Variants in RFX7 observed in about 807,000 individuals in gnomAD.
RFX7 encodes regulatory factor X7.
RFX7 carries 26 observed loss-of-function variants against 111.8 expected under a neutral mutation model. That is an observed-to-expected ratio of 0.23 (90% CI 0.17 to 0.32). The LOEUF is 0.32. RFX7 is among the 10% of genes least tolerant of loss of function. RFX7 has a pLI of 1.00. For missense variants in RFX7, 1,573 were observed against 1,772.9 expected, an observed-to-expected ratio of 0.89 and a Z score of 2.02; for synonymous variants, 624 against 624.4, an observed-to-expected ratio of 1.00 and a Z score of 0.01.
chr15:56,110,076 G>A (rs1436480171), intron 5 of RFX7, among the ~76,000 whole-genome samples: 3 of 131,764 alleles, frequency 2.3e-5, no homozygotes, highest in Non-Finnish European at 3.3e-5. Flanking sequence ...CAGCCGCCCC[G>A]TCTGGGAGGG....
rs555440357 is a variant in RFX7 at position 56,120,774 on chromosome 15, AT to A, written c.402-17105del. ...CTGTGTATCTGTTGTATGTTTTTAG[AT>A]TTGAGGTTACCATGAGGCTTGCAGA... is the stretch of plus-strand genomic sequence containing the variant. On this transcript the variant is annotated intron_variant, in intron 5 of 9. Coordinates refer to ENST00000559447, the MANE Select transcript of RFX7 (RefSeq NM_022841.7). Among the ~76,000 whole-genome samples, 17 of 152,084 alleles carry A rather than the reference AT, an allele frequency of 1.1e-4. No individual in the cohort carries two copies. The South Asian group carries it at 3.5e-3, about 32-fold the overall frequency.
intron 1 of RFX7, 39 bp downstream of exon 1, chr15:56,243,400 AGAGGAG>A (rs1296494989): frequency 4.4e-6 from 4 of 915,312 alleles, no homozygotes; most frequent in Non-Finnish European, 5.6e-6. Context: ...GGGGAGGGGA[AGAGGAG>A]GAGGAGGAGG....
rs117528481 is a variant in RFX7 at position 56,095,154 on chromosome 15, T to C, written c.2574A>G (p.Gln858=). The change falls in exon 10 of 10, where the codon CAA becomes CAG. Residue 858 remains glutamine, a synonymous_variant. Transcript: ENST00000559447. ...AAGGCTCAAACTCCTTCAGTTCAGA[T>C]TGCAGAGGTAACTGATCTGAAGAAT... ...QAHSSDQLPL[Q]SELKEFEPSV... is the part of the protein sequence containing the mutation. The C allele has an allele frequency of 6.4e-3, 10,304 of 1,613,992 alleles. 38 individuals carry two copies. The highest frequency in any genetic ancestry group is 8.0e-3 in the Non-Finnish European group (9,420 of 1,179,856).
At chr15:56,154,677 C>T (rs145880609) in intron 3 of RFX7, among the ~76,000 whole-genome samples, 4,170 of 151,850 alleles carry the variant, frequency 0.027, 78 homozygotes, top group Middle Eastern at 0.044. Flanking sequence ...CCATAAAAAT[C>T]CTAGAAGAAA....
rs146342719 is a variant in RFX7 at position 56,132,433 on chromosome 15, T to C, written c.401+10345A>G. Among the ~76,000 whole-genome samples the C allele has an allele frequency of 1.9e-3, 294 of 152,126 alleles. 2 individuals carry two copies. Among genetic ancestry groups the C allele is most frequent in the African/African-American group, 6.5e-3 (269 of 41,540 alleles). ...CCTTTAGTAAGGTAACAGTACATTA[T>C]AGATTAGTGTTAAGACAGAAAAATT... On this transcript the variant is annotated intron_variant, in intron 5 of 9. Transcript: ENST00000559447.
chr15:56,121,222 C>T (rs1218929547), intron 5 of RFX7, among the ~76,000 whole-genome samples: 1 of 152,106 alleles, frequency 6.6e-6, no homozygotes, highest in Non-Finnish European at 1.5e-5. Flanking sequence ...CTTTTTATTT[C>T]CTTCCTGTTT....
chr15:56,127,273 G>C (rs1191411208), intron 5 of RFX7, among the ~76,000 whole-genome samples: 3 of 151,732 alleles, frequency 2.0e-5, no homozygotes, highest in Non-Finnish European at 4.4e-5. Flanking sequence ...GAATACTTGA[G>C]ATAAAAATGA....
At chr15:56,243,078 G>T in intron 2 of RFX7, 47 bp downstream of exon 2, 1 of 1,069,678 alleles carries the variant, frequency 9.3e-7, no homozygotes, top group Non-Finnish European at 1.3e-6. Context: ...CTTTGCAGCA[G>T]AAATGTGCCT....
intron 3 of RFX7, among the ~76,000 whole-genome samples, chr15:56,174,514 G>A (rs533535407): frequency 3.9e-5 from 6 of 152,138 alleles, no homozygotes; most frequent in South Asian, 2.1e-4. Context: ...TTTGGGAGGC[G>A]AAGGTAGGCA....
intron 2 of RFX7, among the ~76,000 whole-genome samples, chr15:56,234,811 C>G (rs568752898): frequency 2.8e-4 from 42 of 152,300 alleles, no homozygotes; most frequent in Non-Finnish European, 5.0e-4. Flanking sequence ...TATATTCAAT[C>G]TCCAAATTCC....
At position 56,119,927 on chromosome 15, in the gene RFX7, T is replaced by C. The variant is rs190588069; in HGVS notation, c.402-16257A>G. Among the ~76,000 whole-genome samples, 7 of 152,266 alleles carry C rather than the reference T, an allele frequency of 4.6e-5. No individual in the cohort carries two copies. The East Asian group carries it at 1.3e-3, about 29-fold the overall frequency. ...GGTTACTACAGCTCTATAGTATAAT[T>C]TGAAGGTAATGTGATTAGTCCAGTT... On this transcript the variant is annotated intron_variant, in intron 5 of 9. Coordinates refer to ENST00000559447, the MANE Select transcript of RFX7 (RefSeq NM_022841.7).
chr15:56,164,995 G>A (rs1247233501), intron 3 of RFX7, among the ~76,000 whole-genome samples: 1 of 152,148 alleles, frequency 6.6e-6, no homozygotes, highest in East Asian at 1.9e-4. Flanking sequence ...CATGGATGGG[G>A]TGGGGATTAT....
chr15:56,160,534 A>G (rs1199210880), intron 3 of RFX7, among the ~76,000 whole-genome samples: 1 of 152,076 alleles, frequency 6.6e-6, no homozygotes, highest in African/African-American at 2.4e-5. Flanking sequence ...ACAAAACTCC[A>G]AAAAGAAATA....
intron 5 of RFX7, among the ~76,000 whole-genome samples, chr15:56,131,335 T>TTGGTGCGATCA (rs11273926): frequency 0.97 from 141,544 of 146,084 alleles, 68,737 homozygotes; most frequent in East Asian, 1. Flanking sequence ...TTGGAGTGCA[T>TTGGTGCGATCA]TGGCTTACTG....
Position 56,093,108 on chromosome 15 carries a change from T to C in RFX7, c.*237A>G, listed in dbSNP as rs2041618000. On this transcript the variant is annotated 3_prime_UTR_variant, in exon 10 of 10. Transcript: ENST00000559447. ...TGGATAGTCAATCAATGTGAATAAA[T>C]GGGGCACATTATAAAATTTAAAACC... 2 of 442,116 alleles carry C rather than the reference T, an allele frequency of 4.5e-6. No homozygotes were observed. Among genetic ancestry groups the C allele is most frequent in the Non-Finnish European group, 8.0e-6 (2 of 249,526 alleles). The allele number at this position is 442,116 out of a possible 1,614,324, so 27.4% of individuals were successfully genotyped here. A position where few individuals can be genotyped will look rare whatever the true frequency, so the allele number is the denominator to read the frequency against.
intron 2 of RFX7, among the ~76,000 whole-genome samples, chr15:56,181,056 G>C (rs1324039384): frequency 6.6e-6 from 1 of 152,230 alleles, no homozygotes; most frequent in South Asian, 2.1e-4. Context: ...AAAGTGGCCA[G>C]AGTGATTCTT....
intron 2 of RFX7, among the ~76,000 whole-genome samples, chr15:56,242,063 T>G (rs1210484642): frequency 6.6e-6 from 1 of 152,232 alleles, no homozygotes; most frequent in East Asian, 1.9e-4. Context: ...GTTTTCAAAA[T>G]GAGAAAATGA....
intron 2 of RFX7, among the ~76,000 whole-genome samples, chr15:56,222,770 T>C (rs760413341): frequency 1.3e-5 from 2 of 152,192 alleles, no homozygotes; most frequent in Non-Finnish European, 2.9e-5. Flanking sequence ...ATAAAATAGT[T>C]GGCTGCTAAT....
intron 2 of RFX7, among the ~76,000 whole-genome samples, chr15:56,200,753 C>T (rs890017222): frequency 5.3e-5 from 8 of 151,722 alleles, no homozygotes; most frequent in Admixed American, 1.3e-4. Flanking sequence ...GAGCAGAGGT[C>T]GCACCACTGC....
Sources: gnomAD v4.1 joint callset for allele counts (sites outside exome capture counted in the v4.1 genomes callset) on GRCh38, gnomAD v4.1.1 for gene constraint, MANE v1.5 for transcripts, NCBI Gene and HGNC (gene_info 2026-07-23, HGNC 2026-07-21) for gene names.